Variants in SIK3 observed in about 807,000 individuals in gnomAD.
SIK3 encodes the protein SIK family kinase 3, also known as serine/threonine-protein kinase SIK3.
In SIK3, 28 loss-of-function variants were observed where a neutral mutation model predicts 144.2. That is an observed-to-expected ratio of 0.19 (90% CI 0.14 to 0.27). The LOEUF (loss-of-function observed/expected upper bound fraction) is 0.27. SIK3 is among the 10% of genes least tolerant of loss of function. The probability of loss-of-function intolerance (pLI) is 1.00; values close to 1 mark genes in which losing one functional copy is unlikely to be tolerated. For missense variants in SIK3, 1,319 were observed against 1,776.0 expected, an observed-to-expected ratio of 0.74 and a Z score of 4.62; for synonymous variants, 686 against 676.3, an observed-to-expected ratio of 1.01 and a Z score of -0.22.
intron 3 of SIK3, among the ~76,000 whole-genome samples, chr11:116,937,024 C>T (rs1031028945): frequency 1.3e-5 from 2 of 152,198 alleles, no homozygotes; most frequent in African/African-American, 4.8e-5. Context: ...AAAACTGCTC[C>T]ATAATTTGTG....
At chr11:116,957,413 T>A (rs934579369) in intron 1 of SIK3, among the ~76,000 whole-genome samples, 1 of 152,146 alleles carries the variant, frequency 6.6e-6, no homozygotes, top group East Asian at 1.9e-4. Flanking sequence ...GGTCTCTCAT[T>A]AAGACAAGAA....
rs1945936538 is a variant in SIK3, at chr11:116,904,761, AG to A, written c.617-7445del. On this transcript the variant is annotated intron_variant, in intron 4 of 24. Coordinates refer to ENST00000445177, the MANE Select transcript of SIK3 (RefSeq NM_001366686.3). ...TAAATTTTAAAACATAGAATAAAAT[AG>A]AGACAGGGTCTTGCTGTGTTGCCCA... 19 of 153,394 alleles carry A rather than the reference AG, an allele frequency of 1.2e-4. No homozygotes were observed. The South Asian group carries it at 2.9e-3, about 23-fold the overall frequency. 9.5% of individuals were successfully genotyped at this position (153,394 alleles called of 1,614,324 possible). A position where few individuals can be genotyped will look rare whatever the true frequency, so the allele number is the denominator to read the frequency against.
chr11:116,870,651 A>G (rs1239316514), intron 13 of SIK3, among the ~76,000 whole-genome samples: 1 of 152,200 alleles, frequency 6.6e-6, no homozygotes, highest in Non-Finnish European at 1.5e-5. Flanking sequence ...AAATAGCCAA[A>G]TGCTTACTGT....
intron 1 of SIK3, 112 bp downstream of exon 1, chr11:117,098,031 C>T: frequency 8.6e-7 from 1 of 1,158,034 alleles, no homozygotes; most frequent in Non-Finnish European, 1.1e-6. Flanking sequence ...CCTCCCGGCC[C>T]CCAACGCTCC....
intron 1 of SIK3, among the ~76,000 whole-genome samples, chr11:117,093,712 T>C (rs1372763250): frequency 1.3e-5 from 2 of 152,094 alleles, no homozygotes; most frequent in Non-Finnish European, 2.9e-5. Flanking sequence ...AATTTATGTT[T>C]TAAAATGCTG....
chr11:116,871,153 T>C (rs1565388738), intron 13 of SIK3, among the ~76,000 whole-genome samples: 1 of 152,216 alleles, frequency 6.6e-6, no homozygotes, highest in Admixed American at 6.5e-5. Flanking sequence ...AATGCTTGTA[T>C]CACTGTGACT....
intron 4 of SIK3, among the ~76,000 whole-genome samples, chr11:116,923,613 G>A (rs1207471468): frequency 6.6e-6 from 1 of 152,248 alleles, no homozygotes; most frequent in Non-Finnish European, 1.5e-5. Flanking sequence ...AAGACTGCAT[G>A]AGCAAAGCTA....
chr11:117,020,874 A>C (rs1444568949), intron 1 of SIK3, among the ~76,000 whole-genome samples: 2 of 152,218 alleles, frequency 1.3e-5, no homozygotes, highest in East Asian at 3.8e-4. Context: ...CATGGAACCC[A>C]ATAAGGGGAT....
intron 3 of SIK3, among the ~76,000 whole-genome samples, chr11:116,950,786 G>C (rs146907537): frequency 8.4e-5 from 12 of 143,178 alleles, no homozygotes; most frequent in South Asian, 2.1e-4. Flanking sequence ...GAAGCCCTGC[G>C]TTCTTGGCTG....
At chr11:117,025,927 C>A (rs185438616) in intron 1 of SIK3, among the ~76,000 whole-genome samples, 66 of 152,106 alleles carry the variant, frequency 4.3e-4, no homozygotes, top group Non-Finnish European at 8.8e-4. Flanking sequence ...CAATACTAAG[C>A]CATTGTTATC....
intron 11 of SIK3, among the ~76,000 whole-genome samples, chr11:116,874,922 A>G (rs971787404): frequency 6.6e-6 from 1 of 152,210 alleles, no homozygotes; most frequent in Non-Finnish European, 1.5e-5. Context: ...ACATCATGAA[A>G]GACTATTTTG....
intron 1 of SIK3, among the ~76,000 whole-genome samples, chr11:116,968,599 T>C (rs535973893): frequency 6.6e-6 from 1 of 152,354 alleles, no homozygotes; most frequent in African/African-American, 2.4e-5. Flanking sequence ...AAGTATATGC[T>C]TAATATAACA....
chr11:116,878,623 G>A (rs1306747884), intron 6 of SIK3, among the ~76,000 whole-genome samples: 3 of 152,036 alleles, frequency 2.0e-5, no homozygotes, highest in African/African-American at 7.2e-5. Context: ...CAAGTGATCC[G>A]CCTGCCTCAG....
At chr11:117,093,240 C>T (rs1334362898) in intron 1 of SIK3, among the ~76,000 whole-genome samples, 1 of 152,196 alleles carries the variant, frequency 6.6e-6, no homozygotes, top group East Asian at 1.9e-4. Flanking sequence ...AGCATCATCT[C>T]ATGTGCTTCG....
chr11:116,916,611 C>T (rs12277092), intron 4 of SIK3, among the ~76,000 whole-genome samples: 11,215 of 150,748 alleles, frequency 0.074, 488 homozygotes, highest in Middle Eastern at 0.11. Flanking sequence ...CCCGGGTTCA[C>T]GCCATTCTCC....
At chr11:117,072,255 G>A (rs1954314845) in intron 1 of SIK3, among the ~76,000 whole-genome samples, 1 of 152,100 alleles carries the variant, frequency 6.6e-6, no homozygotes, top group African/African-American at 2.4e-5. Flanking sequence ...AGGCCTGGTG[G>A]CATGTGCCTG....
intron 18 of SIK3, 98 bp from the exon 19 acceptor site, chr11:116,861,481 T>A (rs1943326426): frequency 2.2e-6 from 2 of 903,310 alleles, no homozygotes; most frequent in South Asian, 3.4e-5. Flanking sequence ...AAACTATTTT[T>A]TTTTACTTTG....
intron 1 of SIK3, among the ~76,000 whole-genome samples, chr11:117,076,834 C>T (rs1399897195): frequency 6.6e-6 from 1 of 152,136 alleles, no homozygotes; most frequent in Admixed American, 6.6e-5. Flanking sequence ...AGCCACTGCA[C>T]CCGGCTGCCT....
chr11:116,947,588 CAG>C lies in SIK3; in HGVS notation c.454+6454_454+6455del, dbSNP rs1370609776. Among the ~76,000 whole-genome samples, 5 of 91,878 alleles carry C rather than the reference CAG, an allele frequency of 5.4e-5. No homozygotes were observed. The East Asian group carries it at 1.3e-3, about 24-fold the overall frequency. The allele number at this position is 91,878 out of a possible 152,430, so 60.3% of individuals were successfully genotyped here. On this transcript the variant is annotated intron_variant, in intron 3 of 24. Transcript: ENST00000445177. Reference sequence around the variant, plus strand: ...GTATGTATTTTTTTTTTTTTTGAGACAGAGTCTTGCTCTTTTGTCCAGGCTGG... The same window carrying C: ...GTATGTATTTTTTTTTTTTTTGAGACAGTCTTGCTCTTTTGTCCAGGCTGG...
Sources: gnomAD v4.1 joint callset for allele counts (sites outside exome capture counted in the v4.1 genomes callset) on GRCh38, gnomAD v4.1.1 for gene constraint, MANE v1.5 for transcripts, NCBI Gene and HGNC (gene_info 2026-07-23, HGNC 2026-07-21) for gene names.